NLGN1: variants seen among roughly 807,000 people sequenced by gnomAD.
The protein encoded by NLGN1 is neuroligin 1, also known as neuroligin-1.
NLGN1 carries 12 observed loss-of-function variants against 65.5 expected under a neutral mutation model. The ratio of observed to expected loss-of-function variants is 0.18; its 90% CI spans 0.12 to 0.30. The LOEUF (loss-of-function observed/expected upper bound fraction) is 0.30. NLGN1 is among the 10% of genes least tolerant of loss of function. The pLI, the probability that NLGN1 is intolerant of heterozygous loss-of-function variation, is 1.00. For missense variants in NLGN1, 750 were observed against 1,007.1 expected (o/e 0.74, Z 3.46); for synonymous variants, 350 against 359.5 (o/e 0.97, Z 0.30).
chr3:174,191,224 T>C (rs1217694256), intron 4 of NLGN1, among the ~76,000 whole-genome samples: 3 of 152,142 alleles, frequency 2.0e-5, no homozygotes, highest in African/African-American at 7.2e-5. Flanking sequence ...CATATGTAAA[T>C]TAACAGACCT....
At chr3:173,873,129 C>T (rs567648982) in intron 4 of NLGN1, among the ~76,000 whole-genome samples, 282 of 151,290 alleles carry the variant, frequency 1.9e-3, no homozygotes, top group African/African-American at 6.7e-3. Flanking sequence ...CACTCTGCTG[C>T]CCAGGCTGGA....
chr3:173,881,015 T>A (rs1733125900), intron 4 of NLGN1, among the ~76,000 whole-genome samples: 1 of 151,148 alleles, frequency 6.6e-6, no homozygotes, highest in African/African-American at 2.4e-5. Flanking sequence ...TGCTCATTCA[T>A]AATAAGCAAC....
chr3:173,778,238 ACTTTAT>A (rs1363498164), intron 3 of NLGN1, among the ~76,000 whole-genome samples: 2 of 151,860 alleles, frequency 1.3e-5, no homozygotes, highest in African/African-American at 4.8e-5. Context: ...CATGGCAGCT[ACTTTAT>A]CTTTTCTGGC....
At chr3:173,939,519 A>G (rs1227301006) in intron 4 of NLGN1, among the ~76,000 whole-genome samples, 2 of 152,194 alleles carry the variant, frequency 1.3e-5, no homozygotes, top group Non-Finnish European at 2.9e-5. Flanking sequence ...AAGGCACATA[A>G]TGATCTTCCT....
rs181607115 is a variant in NLGN1, at chr3:173,409,052, A to G, written c.-390+10565A>G. Among the ~76,000 whole-genome samples the G allele has an allele frequency of 3.8e-3, 580 of 152,276 alleles. 4 individuals carry two copies. Among genetic ancestry groups the G allele is most frequent in the African/African-American group, 0.013 (558 of 41,548 alleles). On this transcript the variant is annotated intron_variant, in intron 1 of 6. Coordinates refer to ENST00000457714, the Ensembl canonical transcript of NLGN1. ...GAACCCCTAGGAAGCCTGAGATCTC[A>G]CAGAACAGCCTCTCGTGGGACACTC...
intron 3 of NLGN1, among the ~76,000 whole-genome samples, chr3:173,736,508 A>G (rs541213376): frequency 6.6e-6 from 1 of 152,228 alleles, no homozygotes; most frequent in African/African-American, 2.4e-5. Flanking sequence ...GGACCAGAAC[A>G]TAGTTGTAAG....
At chr3:173,482,068 C>T (rs1727389198) in intron 2 of NLGN1, among the ~76,000 whole-genome samples, 1 of 151,974 alleles carries the variant, frequency 6.6e-6, no homozygotes, top group South Asian at 2.1e-4. Context: ...ACTCTCCCTA[C>T]ATTGACATTG....
intron 2 of NLGN1, among the ~76,000 whole-genome samples, chr3:173,527,421 G>C (rs546890378): frequency 1.3e-5 from 2 of 151,214 alleles, no homozygotes; most frequent in African/African-American, 4.9e-5. Context: ...TTTTTGAGAC[G>C]GAGTCTCGCT....
At chr3:173,613,028 G>GT (rs145939838) in intron 3 of NLGN1, among the ~76,000 whole-genome samples, 10 of 152,104 alleles carry the variant, frequency 6.6e-5, no homozygotes, top group Non-Finnish European at 1.5e-4. Flanking sequence ...AATTATATCT[G>GT]TAACGATCTC....
intron 4 of NLGN1, among the ~76,000 whole-genome samples, chr3:174,084,108 A>G (rs7637644): frequency 0.032 from 4,893 of 152,276 alleles, 108 homozygotes; most frequent in African/African-American, 0.056. Flanking sequence ...ATTTTTAAAG[A>G]ATTTTTTTAA....
intron 4 of NLGN1, among the ~76,000 whole-genome samples, chr3:173,936,509 A>G (rs1422832807): frequency 1.3e-5 from 2 of 152,092 alleles, no homozygotes; most frequent in African/African-American, 2.4e-5. Context: ...GGCTAGGATT[A>G]CAATGGCAGA....
intron 4 of NLGN1, among the ~76,000 whole-genome samples, chr3:173,994,740 A>C (rs1721916797): frequency 6.6e-6 from 1 of 152,150 alleles, no homozygotes; most frequent in African/African-American, 2.4e-5. Context: ...CTTTGGCTGA[A>C]GGCTACTGAT....
At chr3:173,678,164 C>T (rs1331177240) in intron 3 of NLGN1, among the ~76,000 whole-genome samples, 1 of 152,002 alleles carries the variant, frequency 6.6e-6, no homozygotes, top group Non-Finnish European at 1.5e-5. Flanking sequence ...TTTAATGTGA[C>T]AAGGGCAGTT....
chr3:173,979,984 C>G (rs1413555234), intron 4 of NLGN1, among the ~76,000 whole-genome samples: 1 of 152,054 alleles, frequency 6.6e-6, no homozygotes, highest in Non-Finnish European at 1.5e-5. Context: ...CAGTAGCATG[C>G]ACTTGCTTCC....
At chr3:173,873,026 T>C (rs1014139502) in intron 4 of NLGN1, among the ~76,000 whole-genome samples, 1 of 152,112 alleles carries the variant, frequency 6.6e-6, no homozygotes, top group Non-Finnish European at 1.5e-5. Flanking sequence ...CCAAGGTCAA[T>C]TGGGGCTGGC....
intron 3 of NLGN1, among the ~76,000 whole-genome samples, chr3:173,607,960 TA>T (rs937500547): frequency 1.3e-5 from 2 of 151,838 alleles, no homozygotes; most frequent in African/African-American, 4.8e-5. Context: ...AAGTACTCTA[TA>T]ATCTGTGCAT....
chr3:173,421,189 T>C (rs547945173), intron 1 of NLGN1, among the ~76,000 whole-genome samples: 1 of 152,252 alleles, frequency 6.6e-6, no homozygotes, highest in Non-Finnish European at 1.5e-5. Flanking sequence ...AAATCATTTT[T>C]ATTATATACT....
intron 4 of NLGN1, among the ~76,000 whole-genome samples, chr3:174,073,654 T>C (rs957820056): frequency 5.9e-5 from 9 of 152,204 alleles, no homozygotes; most frequent in African/African-American, 1.9e-4. Context: ...TCCCATTTGG[T>C]TGAAAGTATC....
intron 2 of NLGN1, among the ~76,000 whole-genome samples, chr3:173,533,785 C>G (rs1268024479): frequency 6.6e-6 from 1 of 152,142 alleles, no homozygotes; most frequent in East Asian, 1.9e-4. Context: ...AGTTCAAGAT[C>G]AGCCTGGCCA....
Sources: allele counts gnomAD v4.1 joint callset (sites outside exome capture counted in the v4.1 genomes callset), GRCh38; gene constraint gnomAD v4.1.1; transcripts MANE v1.5; gene names NCBI Gene and HGNC (gene_info 2026-07-23, HGNC 2026-07-21).